OXR1: variants seen among roughly 807,000 people sequenced by gnomAD.
The protein encoded by OXR1 is oxidation resistance 1, also known as oxidation resistance protein 1.
Under a neutral mutation model 104.6 loss-of-function variants are expected in OXR1, and 41 were observed. That is an observed-to-expected ratio of 0.39 (90% CI 0.31 to 0.51). The LOEUF is 0.51. Ranked by LOEUF, OXR1 falls within the 20% of genes least tolerant of loss-of-function variation. OXR1 has a pLI of 0.77. For missense variants in OXR1, 955 were observed against 1,031.9 expected, an observed-to-expected ratio of 0.93 and a Z score of 1.02; for synonymous variants, 348 against 348.4, an observed-to-expected ratio of 1.00 and a Z score of 0.01.
chr8:106,507,584 C>T, intron 2 of OXR1, among the ~76,000 whole-genome samples: 1 of 152,102 alleles, frequency 6.6e-6, no homozygotes, highest in East Asian at 1.9e-4. Flanking sequence ...GAGGGTTGTG[C>T]AGGGAATCGG....
chr8:106,338,856 G>C (rs1432503764), intron 1 of OXR1, among the ~76,000 whole-genome samples: 1 of 151,670 alleles, frequency 6.6e-6, no homozygotes, highest in Non-Finnish European at 1.5e-5. Context: ...CTCTCTCTCT[G>C]TAACTCTCTC....
At chr8:106,310,219 G>A (rs1017280054) in intron 1 of OXR1, among the ~76,000 whole-genome samples, 10 of 135,728 alleles carry the variant, frequency 7.4e-5, no homozygotes, top group Non-Finnish European at 1.4e-4. Flanking sequence ...AATTGGTACA[G>A]TTCCTGTGAC....
At position 106,706,468 on chromosome 8, in the gene OXR1, G is replaced by A. The variant is rs144462912; in HGVS notation, c.947G>A (p.Arg316Gln). Residue 316 changes from arginine (R) to glutamine (Q), a missense_variant, in exon 9 of 17, where the codon CGA becomes CAA. By Grantham distance (43) the Arg-to-Gln change is conservative. This residue lies in a region of OXR1 where 849 missense variants were observed against 852.9 expected (regional missense o/e 1.00). Coordinates refer to ENST00000517566, the MANE Select transcript of OXR1 (RefSeq NM_001198533.2). ...SNTEEIDSRI[R>Q]DAGNDSASTA... ...ACTGAGGAAATAGACTCAAGAATCC[G>A]AGATGCAGGTAATGATAGTGCCAGC... 1.4e-4 allele frequency: 229 copies of A among 1,594,884 alleles called. No homozygotes were observed. The highest frequency in any genetic ancestry group is 7.6e-4 in the South Asian group (66 of 86,462).
At chr8:106,526,611 C>T (rs1458853953) in intron 3 of OXR1, among the ~76,000 whole-genome samples, 2 of 152,224 alleles carry the variant, frequency 1.3e-5, no homozygotes, top group African/African-American at 2.4e-5. Context: ...GGCGCAATCT[C>T]GGCTCGCTGC....
chr8:106,317,794 C>CA (rs200998873), intron 1 of OXR1, among the ~76,000 whole-genome samples: 31,256 of 132,468 alleles, frequency 0.24, 4,874 homozygotes, highest in African/African-American at 0.47. Flanking sequence ...AACTAAATTC[C>CA]AAAAAAAAAA....
chr8:106,459,216 C>A (rs1820773749), intron 2 of OXR1, among the ~76,000 whole-genome samples: 1 of 152,064 alleles, frequency 6.6e-6, no homozygotes, highest in Admixed American at 6.5e-5. Context: ...GGTTATATCA[C>A]CTCTTATTAA....
intron 3 of OXR1, among the ~76,000 whole-genome samples, chr8:106,580,417 A>C (rs1818146547): frequency 6.6e-6 from 1 of 152,186 alleles, no homozygotes; most frequent in Non-Finnish European, 1.5e-5. Flanking sequence ...TCTTTCTATG[A>C]CTGAATAATA....
chr8:106,603,445 T>C (rs984687372), intron 3 of OXR1, among the ~76,000 whole-genome samples: 9 of 152,208 alleles, frequency 5.9e-5, no homozygotes, highest in African/African-American at 4.8e-5. Flanking sequence ...TTTTAAATGG[T>C]ATATGGTAGA....
At chr8:106,355,570 T>G (rs912739131) in intron 1 of OXR1, among the ~76,000 whole-genome samples, 11 of 152,106 alleles carry the variant, frequency 7.2e-5, no homozygotes, top group African/African-American at 2.2e-4. Context: ...AGTTATAAGT[T>G]ATAAAAGAAA....
At chr8:106,566,776 A>G (rs1817106095) in intron 3 of OXR1, among the ~76,000 whole-genome samples, 5 of 152,206 alleles carry the variant, frequency 3.3e-5, no homozygotes, top group Admixed American at 3.3e-4. Flanking sequence ...TACACCATAA[A>G]ATACTACGCA....
chr8:106,708,016 A>G (rs1286858262), intron 9 of OXR1, among the ~76,000 whole-genome samples: 1 of 152,178 alleles, frequency 6.6e-6, no homozygotes, highest in African/African-American at 2.4e-5. Flanking sequence ...GCATTAGTAC[A>G]TTCACATTGT....
chr8:106,557,101 C>A (rs1816341360), intron 3 of OXR1, among the ~76,000 whole-genome samples: 1 of 152,150 alleles, frequency 6.6e-6, no homozygotes, highest in African/African-American at 2.4e-5. Context: ...ATTCCTTTCT[C>A]CCTTTGTGTT....
At chr8:106,382,678 A>G (rs959010300) in intron 2 of OXR1, among the ~76,000 whole-genome samples, 1 of 125,510 alleles carries the variant, frequency 8.0e-6, no homozygotes, top group Non-Finnish European at 1.6e-5. Flanking sequence ...TCTGAGAACT[A>G]TAGGTTTTTT....
chr8:106,573,106 C>G (rs964133098), intron 3 of OXR1, among the ~76,000 whole-genome samples: 1 of 152,074 alleles, frequency 6.6e-6, no homozygotes, highest in African/African-American at 2.4e-5. Context: ...AGCAGTCAGG[C>G]AAGAGGGGTT....
chr8:106,393,588 A>G (rs1817664074), intron 2 of OXR1, among the ~76,000 whole-genome samples: 3 of 152,130 alleles, frequency 2.0e-5, no homozygotes. Flanking sequence ...TATTAAAATA[A>G]TCTTATGAAT....
At chr8:106,275,783 CAACA>C (rs1276402212) in intron 1 of OXR1, among the ~76,000 whole-genome samples, 2 of 151,302 alleles carry the variant, frequency 1.3e-5, no homozygotes, top group African/African-American at 4.9e-5. Flanking sequence ...TCAGGAGCAA[CAACA>C]AACACACACA....
chr8:106,468,739 G>A (rs1016185255), intron 2 of OXR1, among the ~76,000 whole-genome samples: 11 of 151,878 alleles, frequency 7.2e-5, no homozygotes, highest in South Asian at 2.1e-4. Flanking sequence ...ATTGTGGAAC[G>A]GATTGCAGTT....
At chr8:106,427,313 A>G (rs1176469880) in intron 2 of OXR1, among the ~76,000 whole-genome samples, 2 of 151,878 alleles carry the variant, frequency 1.3e-5, no homozygotes, top group Non-Finnish European at 2.9e-5. Context: ...ACTACAGGTG[A>G]CCACCACCAC....
chr8:106,493,995 G>T (rs2129885600), intron 2 of OXR1, among the ~76,000 whole-genome samples: 1 of 152,280 alleles, frequency 6.6e-6, no homozygotes, highest in South Asian at 2.1e-4. Context: ...AGGAGATGAT[G>T]ATACCTACCT....
Sources: gnomAD v4.1 joint callset for allele counts (sites outside exome capture counted in the v4.1 genomes callset) on GRCh38, gnomAD v4.1.1 for gene constraint, gnomAD v4.1.1 regional missense constraint, MANE v1.5 for transcripts, NCBI Gene and HGNC (gene_info 2026-07-23, HGNC 2026-07-21) for gene names.